TBC1D4: variants seen among roughly 807,000 people sequenced by gnomAD.
The protein encoded by TBC1D4 is TBC (Tre-2, BUB2, CDC16) domain-containing protein.
A neutral mutation model predicts 142.5 loss-of-function variants in TBC1D4; 121 were observed. That is an observed-to-expected ratio of 0.85 (90% CI 0.73 to 0.99). The LOEUF (loss-of-function observed/expected upper bound fraction) is 0.99. Among genes scored for constraint, TBC1D4 ranks in the 50% least tolerant of loss-of-function variants. The pLI, the probability that TBC1D4 is intolerant of heterozygous loss-of-function variation, is 0.00. For synonymous variants in TBC1D4, 630 were observed against 628.2 expected (o/e 1.00, Z -0.04); for missense variants, 1,475 against 1,606.6 (o/e 0.92, Z 1.40).
At chr13:75,300,826 G>C (rs1240302566) in intron 16 of TBC1D4, among the ~76,000 whole-genome samples, 4 of 152,110 alleles carry the variant, frequency 2.6e-5, no homozygotes, top group Non-Finnish European at 5.9e-5. Flanking sequence ...CCACAGATTT[G>C]CTTGGGAACA....
At chr13:75,417,110 C>A (rs1885952838) in intron 1 of TBC1D4, among the ~76,000 whole-genome samples, 1 of 152,184 alleles carries the variant, frequency 6.6e-6, no homozygotes, top group African/African-American at 2.4e-5. Context: ...CTACTTCCCA[C>A]CCATCGTCTT....
At chr13:75,376,304 T>G (rs533230499) in intron 1 of TBC1D4, among the ~76,000 whole-genome samples, 47 of 152,292 alleles carry the variant, frequency 3.1e-4, no homozygotes, top group African/African-American at 1.1e-3. Context: ...GTAATATCAT[T>G]AAGCTGCATC....
Position 75,299,480 on chromosome 13 carries a change from G to C in TBC1D4, c.3006C>G (p.Asp1002Glu). The change falls in exon 17 of 21, where the codon GAC becomes GAG. Residue 1002 changes from aspartate to glutamate, a missense_variant. Transcript: ENST00000377636. ...TCCCCTGACAGTATCCCACTTCTTT[G>C]TCCAGCAAAGAATAGGCTTTCAGGA... ...FNLLKAYSLLDKEVGYCQGIS... is the reference protein window; with the variant it reads ...FNLLKAYSLLEKEVGYCQGIS... 6.2e-7 allele frequency: 1 copy of C among 1,614,140 alleles called. No homozygotes were observed. Among genetic ancestry groups the C allele is most frequent in the South Asian group, 1.1e-5 (1 of 91,082 alleles).
chr13:75,448,215 G>A (rs140987327), intron 1 of TBC1D4, among the ~76,000 whole-genome samples: 8 of 152,214 alleles, frequency 5.3e-5, no homozygotes, highest in East Asian at 1.9e-4. Flanking sequence ...CTGAATGAAC[G>A]AACAAGTGAA....
intron 1 of TBC1D4, among the ~76,000 whole-genome samples, chr13:75,478,526 T>G (rs958591374): frequency 1.3e-5 from 2 of 152,198 alleles, no homozygotes; most frequent in African/African-American, 2.4e-5. Flanking sequence ...GAGACTCTCT[T>G]AACAATGATC....
chr13:75,334,470 AAT>A (rs1014419201), intron 8 of TBC1D4, among the ~76,000 whole-genome samples: 3 of 66,800 alleles, frequency 4.5e-5, no homozygotes, highest in Non-Finnish European at 1.4e-4. Flanking sequence ...TTGTATATAT[AAT>A]ATGTCTATAT....
intron 1 of TBC1D4, among the ~76,000 whole-genome samples, chr13:75,435,839 G>A (rs1375331127): frequency 6.6e-6 from 1 of 152,212 alleles, no homozygotes; most frequent in Non-Finnish European, 1.5e-5. Context: ...CAGTGTAAAA[G>A]AGTTGCCACT....
chr13:75,345,281 A>T (rs1186046739), intron 5 of TBC1D4, among the ~76,000 whole-genome samples: 1 of 152,238 alleles, frequency 6.6e-6, no homozygotes, highest in Non-Finnish European at 1.5e-5. Flanking sequence ...TGCCTCGCAC[A>T]TGGAGAGGCC....
rs573946709 is a variant in TBC1D4, at chr13:75,302,646, C to T, written c.2753-245G>A. The T allele has an allele frequency of 6.0e-5, 33 of 554,008 alleles. No individual in the cohort carries two copies. The Middle Eastern group carries it at 2.4e-3, about 41-fold the overall frequency. The allele number at this position is 554,008 out of a possible 1,614,324, so 34.3% of individuals were successfully genotyped here. On this transcript the variant is annotated intron_variant, in intron 15 of 20. Transcript: ENST00000377636. Reference sequence around the variant, plus strand: ...TGACAATATTAACAATAACATCACCCGTTGCTGACTGAGCATTAATAAAAC... The same window carrying T: ...TGACAATATTAACAATAACATCACCTGTTGCTGACTGAGCATTAATAAAAC...
At chr13:75,306,192 C>A in intron 15 of TBC1D4, 121 bp downstream of exon 15, 1 of 917,920 alleles carries the variant, frequency 1.1e-6, no homozygotes, top group Middle Eastern at 3.4e-4. Context: ...TCTTTTTTTA[C>A]TAAGCAAAAC....
At chr13:75,449,318 T>G (rs1466265989) in intron 1 of TBC1D4, among the ~76,000 whole-genome samples, 1 of 151,992 alleles carries the variant, frequency 6.6e-6, no homozygotes, top group Non-Finnish European at 1.5e-5. Flanking sequence ...ACACACAATT[T>G]TTTTTCTTAT....
At chr13:75,451,363 T>G (rs1887523880) in intron 1 of TBC1D4, among the ~76,000 whole-genome samples, 1 of 151,968 alleles carries the variant, frequency 6.6e-6, no homozygotes, top group Non-Finnish European at 1.5e-5. Context: ...AGTAGATAAT[T>G]TTTTTCTGTT....
chr13:75,306,551 C>A, intron 14 of TBC1D4, 80 bp from the exon 15 acceptor site: 2 of 1,547,336 alleles, frequency 1.3e-6, no homozygotes, highest in Non-Finnish European at 1.8e-6. Flanking sequence ...ATTTGTAAAA[C>A]CATACCAAAT....
chr13:75,312,594 C>A, intron 13 of TBC1D4, 144 bp downstream of exon 13: 1 of 1,089,036 alleles, frequency 9.2e-7, no homozygotes. Flanking sequence ...TCTAATGATA[C>A]CTGAAAGAGA....
At chr13:75,475,838 C>T (rs1325245196) in intron 1 of TBC1D4, among the ~76,000 whole-genome samples, 1 of 152,142 alleles carries the variant, frequency 6.6e-6, no homozygotes, top group African/African-American at 2.4e-5. Flanking sequence ...ATCCAACATA[C>T]TTGGGAACAG....
At chr13:75,470,875 T>C (rs945638718) in intron 1 of TBC1D4, among the ~76,000 whole-genome samples, 4 of 151,796 alleles carry the variant, frequency 2.6e-5, no homozygotes, top group Non-Finnish European at 2.9e-5. Context: ...TAGTCCCAGA[T>C]ACTTGGGAGG....
intron 1 of TBC1D4, among the ~76,000 whole-genome samples, chr13:75,410,031 T>C (rs2138391875): frequency 6.6e-6 from 1 of 152,338 alleles, no homozygotes; most frequent in Admixed American, 6.5e-5. Flanking sequence ...AATTTGCCAC[T>C]TACCTTAAAA....
At chr13:75,372,271 T>C (rs1350992714) in intron 1 of TBC1D4, among the ~76,000 whole-genome samples, 3 of 57,350 alleles carry the variant, frequency 5.2e-5, no homozygotes, top group Non-Finnish European at 9.1e-5. Flanking sequence ...TATTTAAGGC[T>C]CACTTTTTTT....
chr13:75,448,792 T>C (rs889618790), intron 1 of TBC1D4, among the ~76,000 whole-genome samples: 5 of 151,974 alleles, frequency 3.3e-5, no homozygotes, highest in Non-Finnish European at 4.4e-5. Context: ...AATCAATATA[T>C]ACAAATAGGC....
Sources: gnomAD v4.1 joint callset for allele counts (sites outside exome capture counted in the v4.1 genomes callset) on GRCh38, gnomAD v4.1.1 for gene constraint, MANE v1.5 for transcripts, NCBI Gene and HGNC (gene_info 2026-07-23, HGNC 2026-07-21) for gene names.